NCOA1: variants seen among roughly 807,000 people sequenced by gnomAD.
NCOA1 encodes nuclear receptor coactivator 1.
In NCOA1, 35 loss-of-function variants were observed where a neutral mutation model predicts 150.9. That is an observed-to-expected ratio of 0.23 (90% CI 0.18 to 0.31). The LOEUF (loss-of-function observed/expected upper bound fraction) is 0.31, where lower values mean the gene tolerates loss of function less well. NCOA1 is among the 10% of genes least tolerant of loss of function. The pLI is 1.00. For missense variants in NCOA1, 1,491 were observed against 1,749.3 expected (o/e 0.85, Z 2.63); for synonymous variants, 590 against 630.0 (o/e 0.94, Z 0.95).
chr2:24,537,937 A>G (rs1665236002), intron 1 of NCOA1, among the ~76,000 whole-genome samples: 1 of 152,228 alleles, frequency 6.6e-6, no homozygotes, highest in Admixed American at 6.5e-5. Flanking sequence ...TTTGTGTCTA[A>G]GAAGGGGACA....
intron 1 of NCOA1, among the ~76,000 whole-genome samples, chr2:24,492,643 T>G (rs1161396392): frequency 6.6e-6 from 1 of 152,208 alleles, no homozygotes; most frequent in Non-Finnish European, 1.5e-5. Context: ...GTAGAGGTGT[T>G]GAACAGGCAG....
intron 2 of NCOA1, 21 bp from the exon 3 acceptor site, chr2:24,584,455 T>G (rs1190574816): frequency 6.6e-6 from 1 of 152,200 alleles, no homozygotes. Flanking sequence ...ATTGATTGAC[T>G]TACTGTTTTC....
Position 24,726,647 on chromosome 2 carries a change from C to T in NCOA1, c.2658C>T (p.Gly886=), listed in dbSNP as rs751795355. 7.5e-6 allele frequency: 12 copies of T among 1,610,590 alleles called. No homozygotes were observed. Among genetic ancestry groups the T allele is most frequent in the Admixed American group, 1.7e-5 (1 of 59,546 alleles). ...ACCAATTTGGACAACCAGGAACAGG[C>T]GATCAGATTCCATGGACAAATAATA... is the stretch of plus-strand genomic sequence containing the variant. ...IDNQFGQPGT[G]DQIPWTNNTV... The change falls in exon 15 of 23, where the codon GGC becomes GGT. Residue 886 remains glycine, a synonymous_variant. Coordinates refer to ENST00000348332, the MANE Select transcript of NCOA1 (RefSeq NM_003743.5).
At chr2:24,555,633 G>A (rs962429740) in intron 1 of NCOA1, among the ~76,000 whole-genome samples, 50 of 152,214 alleles carry the variant, frequency 3.3e-4, no homozygotes, top group African/African-American at 1.2e-3. Flanking sequence ...ATTTGAAGTT[G>A]TATTGTTAGA....
intron 17 of NCOA1, among the ~76,000 whole-genome samples, chr2:24,736,414 ACAAGT>A (rs1377942457): frequency 6.6e-6 from 1 of 152,138 alleles, no homozygotes. Flanking sequence ...CAATCTTAAA[ACAAGT>A]CAAGTCCAGA....
chr2:24,603,365 GAC>G (rs925011388), intron 3 of NCOA1, among the ~76,000 whole-genome samples: 22 of 152,180 alleles, frequency 1.4e-4, no homozygotes, highest in African/African-American at 5.3e-4. Context: ...CTTCAAATAA[GAC>G]AGTGAAGTTT....
intron 22 of NCOA1, among the ~76,000 whole-genome samples, chr2:24,767,139 C>T (rs1397310156): frequency 6.6e-6 from 1 of 152,022 alleles, no homozygotes; most frequent in Non-Finnish European, 1.5e-5. Context: ...TGACATTTGG[C>T]TAATGAAGGT....
chr2:24,523,449 A>T (rs1664505300), intron 1 of NCOA1, among the ~76,000 whole-genome samples: 1 of 150,620 alleles, frequency 6.6e-6, no homozygotes, highest in African/African-American at 2.4e-5. Flanking sequence ...TACTAAAAAT[A>T]CAAAAAAATT....
intron 1 of NCOA1, among the ~76,000 whole-genome samples, chr2:24,552,521 A>G (rs1050161250): frequency 2.0e-5 from 3 of 151,072 alleles, no homozygotes; most frequent in Non-Finnish European, 4.4e-5. Context: ...ATGTGCCACC[A>G]CACCCAGCTA....
At chr2:24,557,996 C>CCCAGAGAT (rs1016264374) in intron 1 of NCOA1, among the ~76,000 whole-genome samples, 3 of 151,024 alleles carry the variant, frequency 2.0e-5, no homozygotes, top group African/African-American at 7.3e-5. Flanking sequence ...GGTTCATTTT[C>CCCAGAGAT]CCAAAATGAA....
At chr2:24,497,835 G>A (rs1311138055) in intron 1 of NCOA1, among the ~76,000 whole-genome samples, 1 of 152,172 alleles carries the variant, frequency 6.6e-6, no homozygotes, top group East Asian at 1.9e-4. Flanking sequence ...AATAGCTAAA[G>A]CTTAGTGTGG....
chr2:24,639,934 A>ATATATATATG (rs1670121109), intron 3 of NCOA1, among the ~76,000 whole-genome samples: 1 of 25,934 alleles, frequency 3.9e-5, no homozygotes, highest in African/African-American at 1.2e-4. Flanking sequence ...ATATATATAT[A>ATATATATATG]TATATATATA....
At chr2:24,539,783 G>A (rs1665314394) in intron 1 of NCOA1, among the ~76,000 whole-genome samples, 2 of 152,236 alleles carry the variant, frequency 1.3e-5, no homozygotes, top group Non-Finnish European at 2.9e-5. Flanking sequence ...AGGTCCTGTG[G>A]GTAACACTCA....
rs748324411 is a variant in NCOA1, at chr2:24,729,673, C to T, written c.3059C>T (p.Thr1020Met). 4.5e-5 allele frequency: 73 copies of T among 1,614,062 alleles called. 1 individual carries two copies. Among genetic ancestry groups the T allele is most frequent in the South Asian group, 2.7e-4 (25 of 91,082 alleles). ...GTCAGGCAAAAACCTTCACTGGGGA[C>T]GATGCCTGTTCAAGTAACACCTCCC... is the stretch of plus-strand genomic sequence containing the variant. ...GMVRQKPSLGTMPVQVTPPRG... is the reference protein window; with the variant it reads ...GMVRQKPSLGMMPVQVTPPRG... Residue 1020 changes from threonine to methionine, a missense_variant, in exon 17 of 23, where the codon ACG (threonine) becomes ATG (methionine). Around this residue, in one of 8 missense-constraint regions of NCOA1, gnomAD observed 485 missense variants for 522.8 expected, o/e 0.93. Transcript: ENST00000348332.
rs181005188 is a variant in NCOA1 at position 24,615,906 on chromosome 2, T to C, written c.-174-28060T>C. ...AAATTTGTCATTACTACAAAGGTGT[T>C]CCATTCATCCAACATTTATGAAAAG... On this transcript the variant is annotated intron_variant, in intron 3 of 22. Transcript: ENST00000348332. Among the ~76,000 whole-genome samples the C allele has an allele frequency of 1.6e-3, 249 of 152,278 alleles. 1 individual carries two copies. The highest frequency in any genetic ancestry group is 5.6e-3 in the African/African-American group (231 of 41,542).
intron 4 of NCOA1, among the ~76,000 whole-genome samples, chr2:24,648,073 G>A (rs550951454): frequency 6.6e-6 from 1 of 152,236 alleles, no homozygotes; most frequent in East Asian, 1.9e-4. Context: ...GCCACATTTA[G>A]TGTTAGCATT....
chr2:24,497,491 G>A (rs1282355424), intron 1 of NCOA1, among the ~76,000 whole-genome samples: 1 of 152,052 alleles, frequency 6.6e-6, no homozygotes, highest in Non-Finnish European at 1.5e-5. Flanking sequence ...GGCCAATATG[G>A]TGACACCCTG....
chr2:24,632,946 T>C (rs554825606), intron 3 of NCOA1, among the ~76,000 whole-genome samples: 39 of 152,138 alleles, frequency 2.6e-4, no homozygotes, highest in Non-Finnish European at 4.7e-4. Flanking sequence ...TCCATCAACT[T>C]TGTGTACCCA....
chr2:24,694,855 G>T (rs1672828538), intron 10 of NCOA1, among the ~76,000 whole-genome samples: 1 of 151,720 alleles, frequency 6.6e-6, no homozygotes, highest in Non-Finnish European at 1.5e-5. Context: ...AAAATTGAAA[G>T]TATTTTGCAT....
Sources: allele counts gnomAD v4.1 joint callset (sites outside exome capture counted in the v4.1 genomes callset), GRCh38; gene constraint gnomAD v4.1.1; regional missense constraint gnomAD v4.1.1; transcripts MANE v1.5; gene names NCBI Gene and HGNC (gene_info 2026-07-23, HGNC 2026-07-21).